Variants in SLC27A3 observed in about 807,000 individuals in gnomAD.
SLC27A3 encodes solute carrier family 27 member 3, also known as long-chain fatty acid transport protein 3.
A neutral mutation model predicts 60.1 loss-of-function variants in SLC27A3; 60 were observed. The ratio of observed to expected loss-of-function variants is 1.00; its 90% CI spans 0.81 to 1.24. The LOEUF (loss-of-function observed/expected upper bound fraction) is 1.24. Among genes scored for constraint, SLC27A3 ranks in the 50% most tolerant of loss-of-function variants. The pLI is 0.00. For synonymous variants in SLC27A3, 455 were observed against 409.0 expected (o/e 1.11, Z -1.36); for missense variants, 1,079 against 929.9 (o/e 1.16, Z -2.09).
Position 153,777,826 on chromosome 1 carries a change from AGG to A in SLC27A3, c.1104_1105del (p.Arg368SerfsTer27). The A allele has an allele frequency of 6.2e-7, 1 of 1,614,244 alleles. No homozygotes were observed. The highest frequency in any genetic ancestry group is 1.7e-5 in the Admixed American group (1 of 60,032). On this transcript the variant is annotated frameshift_variant, in exon 4 of 10. Coordinates refer to ENST00000624995, the MANE Select transcript of SLC27A3 (RefSeq NM_024330.4). LOFTEE classifies it high-confidence loss of function. ...GTTCTGGGAAGATTGCCAGCAGCAC[AGG>A]GTGACGGTGTTCCAGTACATTGGGG... ...GQFWEDCQQH[R>X]VTVFQYIGEL...
rs557461651 is a variant in SLC27A3, at chr1:153,777,282, A to G, written c.1036+62A>G. The G allele has an allele frequency of 3.6e-4, 565 of 1,578,352 alleles. 4 individuals are homozygous for G. Among genetic ancestry groups the G allele is most frequent in the Non-Finnish European group, 2.3e-4 (269 of 1,151,470 alleles). ...AGTAGACATTTATTAAGCACGTACT[A>G]TGGTGTGAGTCCTCCAGGGTAGATA... On this transcript the variant is annotated intron_variant, in intron 3 of 9. Coordinates refer to ENST00000624995, the MANE Select transcript of SLC27A3 (RefSeq NM_024330.4).
At position 153,778,571 on chromosome 1, in the gene SLC27A3, G is replaced by A. The variant is rs193202015; in HGVS notation, c.1447+18G>A. On this transcript the variant is annotated intron_variant, in intron 6 of 9. Coordinates refer to ENST00000624995, the MANE Select transcript of SLC27A3 (RefSeq NM_024330.4). ...ATCTCCAGGTTGGTGGTGTTCTGGTGGGGTGGGCGGGGTGCTGAAGCTGGC... is the reference window on the plus strand; with the variant it reads ...ATCTCCAGGTTGGTGGTGTTCTGGTAGGGTGGGCGGGGTGCTGAAGCTGGC... 917 of 1,612,002 alleles carry A rather than the reference G, an allele frequency of 5.7e-4. 4 individuals are homozygous for A. The African/African-American group carries it at 0.01, about 18-fold the overall frequency.
chr1:153,776,062 A>AAGGCCGGCCT lies in SLC27A3; in HGVS notation c.566_575dup (p.Arg193GlyfsTer66). 10 of 1,468,958 alleles carry AAGGCCGGCCT rather than the reference A, an allele frequency of 6.8e-6. No homozygotes were observed. The highest frequency in any genetic ancestry group is 8.9e-6 in the Non-Finnish European group (10 of 1,120,650). The allele number at this position is 1,468,958 out of a possible 1,614,324, so 91.0% of individuals were successfully genotyped here. A position where few individuals can be genotyped will look rare whatever the true frequency, so the allele number is the denominator to read the frequency against. On this transcript the variant is annotated frameshift_variant, in exon 1 of 10. Coordinates refer to ENST00000624995, the MANE Select transcript of SLC27A3 (RefSeq NM_024330.4). LOFTEE classifies it high-confidence loss of function. ...TCTGTGGCTCTGGTTCGGGCTGGCCAAGGCCGGCCTGCGCACTGCCTTTGT... is the reference window on the plus strand; with the variant it reads ...TCTGTGGCTCTGGTTCGGGCTGGCCAAGGCCGGCCTAGGCCGGCCTGCGCACTGCCTTTGT...
chr1:153,780,038 CTG>C lies in SLC27A3; in HGVS notation c.*39_*40del. The C allele has an allele frequency of 1.3e-6, 2 of 1,578,944 alleles. No homozygotes were observed. The highest frequency in any genetic ancestry group is 1.7e-6 in the Non-Finnish European group (2 of 1,159,494). Reference sequence around the variant, plus strand: ...ACCTGAGGCACCTGAGAGAGGAACTCTGTGGGGTGGGGGCCGTTGCAGGTGTA... The same window carrying C: ...ACCTGAGGCACCTGAGAGAGGAACTCTGGGGTGGGGGCCGTTGCAGGTGTA... On this transcript the variant is annotated 3_prime_UTR_variant, in exon 10 of 10. Coordinates refer to ENST00000624995, the MANE Select transcript of SLC27A3 (RefSeq NM_024330.4).
At position 153,779,982 on chromosome 1, in the gene SLC27A3, G is replaced by T. The variant is rs776270134; in HGVS notation, c.2032G>T (p.Ala678Ser). Reference sequence around the variant, plus strand: ...AACTGCCCGGTACAGCGCCCTCCTGGCAGGAAACCTTCGAATCTGAGAACT... The same window carrying T: ...AACTGCCCGGTACAGCGCCCTCCTGTCAGGAAACCTTCGAATCTGAGAACT... ...LTTARYSALL[A>S]GNLRI The change falls in exon 10 of 10, where the codon GCA (alanine) becomes TCA (serine). Residue 678 changes from alanine to serine, a missense_variant. Ala to Ser is a moderately conservative substitution (Grantham distance 99). Transcript: ENST00000624995. The T allele has an allele frequency of 6.2e-7, 1 of 1,613,260 alleles. No individual in the cohort carries two copies. The highest frequency in any genetic ancestry group is 1.7e-5 in the Admixed American group (1 of 59,840).
chr1:153,775,782 G>C lies in SLC27A3; in HGVS notation c.285G>C (p.Glu95Asp). Reference sequence around the variant, plus strand: ...GCTCGCGGCGCTTTAGCTACTCAGAGGCGGAGCGCGAGAGTAACAGGGCTG... The same window carrying C: ...GCTCGCGGCGCTTTAGCTACTCAGACGCGGAGCGCGAGAGTAACAGGGCTG... ...IHGSRRFSYS[E>D]AERESNRAAR... Residue 95 changes from glutamate to aspartate, a missense_variant, in exon 1 of 10, where the codon GAG (glutamate) becomes GAC (aspartate). By Grantham distance (45) the Glu-to-Asp change is conservative. Transcript: ENST00000624995. 6.6e-7 allele frequency: 1 copy of C among 1,506,506 alleles called. No individual in the cohort carries two copies. The highest frequency in any genetic ancestry group is 1.3e-5 in the South Asian group (1 of 75,052). The allele number at this position is 1,506,506 out of a possible 1,614,324, so 93.3% of individuals were successfully genotyped here. A position where few individuals can be genotyped will look rare whatever the true frequency, so the allele number is the denominator to read the frequency against.
intron 8 of SLC27A3, 38 bp downstream of exon 8, chr1:153,779,249 C>G (rs1673401032): frequency 1.2e-6 from 2 of 1,613,754 alleles, no homozygotes; most frequent in East Asian, 4.5e-5. Flanking sequence ...CACCCAGCCA[C>G]CACCCCGAAT....
Position 153,779,941 on chromosome 1 carries a change from C to A in SLC27A3, c.1991C>A (p.Ala664Asp). ...TACGTTCTGGACCAGGCTGTAGGTGCCTACCTGCCCCTCACAACTGCCCGG... is the reference window on the plus strand; with the variant it reads ...TACGTTCTGGACCAGGCTGTAGGTGACTACCTGCCCCTCACAACTGCCCGG... ...PLYVLDQAVG[A>D]YLPLTTARYS... Residue 664 changes from alanine (A) to aspartate (D), a missense_variant, in exon 10 of 10, where the codon GCC becomes GAC. By Grantham distance (126) the Ala-to-Asp change is moderately radical. Coordinates refer to ENST00000624995, the MANE Select transcript of SLC27A3 (RefSeq NM_024330.4). The A allele has an allele frequency of 1.2e-6, 2 of 1,614,168 alleles. No homozygotes were observed. The highest frequency in any genetic ancestry group is 2.2e-5 in the East Asian group (1 of 44,890).
chr1:153,779,122 G>C lies in SLC27A3; in HGVS notation c.1655G>C (p.Gly552Ala). ...DRTGDTFRWKGENVATTEVAE... is the reference protein window; with the variant it reads ...DRTGDTFRWKAENVATTEVAE... ...TCTCTGCTCTCTGACAGGTGGAAGG[G>C]GGAGAATGTGGCCACAACCGAGGTG... Residue 552 changes from glycine (G) to alanine (A), a missense_variant, in exon 8 of 10, where the codon GGG (glycine) becomes GCG (alanine). Coordinates refer to ENST00000624995, the MANE Select transcript of SLC27A3 (RefSeq NM_024330.4). 1 of 1,614,168 alleles carries C rather than the reference G, an allele frequency of 6.2e-7. No individual in the cohort carries two copies.
In SLC27A3 at chr1:153,775,559, A is replaced by G. The variant is rs752469654; in HGVS notation, c.62A>G (p.His21Arg). The G allele has an allele frequency of 5.6e-6, 9 of 1,611,166 alleles. No homozygotes were observed. The highest frequency in any genetic ancestry group is 7.6e-6 in the Non-Finnish European group (9 of 1,179,770). The stretch of plus-strand genomic sequence containing the variant: ...CTACCGCTGCTGCTGCTGAAGCTAC[A>G]CCTCTGGCCGCAGTTGCGCTGGCTT... ...LLLPLLLLKL[H>R]LWPQLRWLPA... The change falls in exon 1 of 10, where the codon CAC becomes CGC. Residue 21 changes from histidine (H) to arginine (R), a missense_variant. By Grantham distance (29) the His-to-Arg change is conservative. Coordinates refer to ENST00000624995, the MANE Select transcript of SLC27A3 (RefSeq NM_024330.4).
At position 153,778,484 on chromosome 1, in the gene SLC27A3, A is replaced by G. The variant is rs775876675; in HGVS notation, c.1378A>G (p.Ile460Val). The G allele has an allele frequency of 6.2e-7, 1 of 1,614,132 alleles. No homozygotes were observed. Among genetic ancestry groups the G allele is most frequent in the South Asian group, 1.1e-5 (1 of 91,074 alleles). ...CCAGCATATCTTCCCCTTCTCCTTGATTCGCTATGATGTCACCACAGGAGA... is the reference window on the plus strand; with the variant it reads ...CCAGCATATCTTCCCCTTCTCCTTGGTTCGCTATGATGTCACCACAGGAGA... ...LYKHIFPFSL[I>V]RYDVTTGEPI... The change falls in exon 6 of 10, where the codon ATT becomes GTT. Residue 460 changes from isoleucine to valine, a missense_variant. Physicochemically the swap from Ile to Val is conservative, Grantham distance 29 (BLOSUM62 3). Coordinates refer to ENST00000624995, the MANE Select transcript of SLC27A3 (RefSeq NM_024330.4).
chr1:153,777,682 G>A, intron 3 of SLC27A3, 79 bp from the exon 4 acceptor site: 1 of 1,540,472 alleles, frequency 6.5e-7, no homozygotes, highest in African/African-American at 1.4e-5. Flanking sequence ...TGATGGCTGG[G>A]GTCTGGAAAG....
chr1:153,776,767 G>A (rs1233849921), intron 2 of SLC27A3, 40 bp downstream of exon 2: 1 of 1,594,664 alleles, frequency 6.3e-7, no homozygotes, highest in Non-Finnish European at 8.6e-7. Context: ...CGAAACCAAG[G>A]CAGAGGAAGG....
chr1:153,778,521 A>C lies in SLC27A3; in HGVS notation c.1415A>C (p.Asp472Ala), dbSNP rs1371279423. 3.7e-6 allele frequency: 6 copies of C among 1,613,730 alleles called. No individual in the cohort carries two copies. Among genetic ancestry groups the C allele is most frequent in the Middle Eastern group, 3.3e-4 (2 of 6,084 alleles). ...GTCACCACAGGAGAGCCAATTCGGG[A>C]CCCCCAGGGGCACTGTATGGCCACA... Reference protein sequence around the residue: ...YDVTTGEPIRDPQGHCMATSP... With the variant: ...YDVTTGEPIRAPQGHCMATSP... The change falls in exon 6 of 10, where the codon GAC (aspartate) becomes GCC (alanine). Residue 472 changes from aspartate (D) to alanine (A), a missense_variant. Asp to Ala is a moderately radical substitution (Grantham distance 126). Coordinates refer to ENST00000624995, the MANE Select transcript of SLC27A3 (RefSeq NM_024330.4).
intron 1 of SLC27A3, 111 bp downstream of exon 1, chr1:153,776,275 T>G: frequency 7.0e-7 from 1 of 1,419,160 alleles, no homozygotes; most frequent in East Asian, 2.6e-5. Context: ...AAGCCGACTA[T>G]CCCTTGGGGT....
chr1:153,778,157 T>G lies in SLC27A3; in HGVS notation c.1162-4T>G, dbSNP rs755750036. The stretch of plus-strand genomic sequence containing the variant: ...AGCTCCGGCCCCTCTCCCACTCATC[T>G]CAGAGCAAGGCAGAACGTGGCCATA... On this transcript the variant is annotated splice_region_variant and splice_polypyrimidine_tract_variant and intron_variant, in intron 4 of 9. Transcript: ENST00000624995. 1.2e-6 allele frequency: 2 copies of G among 1,603,322 alleles called. No homozygotes were observed. The highest frequency in any genetic ancestry group is 2.2e-5 in the South Asian group (2 of 90,502).
At position 153,775,964 on chromosome 1, in the gene SLC27A3, G is replaced by C; in HGVS notation, c.467G>C (p.Arg156Thr). 2 of 1,439,458 alleles carry C rather than the reference G, an allele frequency of 1.4e-6. No individual in the cohort carries two copies. The highest frequency in any genetic ancestry group is 1.5e-5 in the African/African-American group (1 of 66,912). The allele number at this position is 1,439,458 out of a possible 1,614,324, so 89.2% of individuals were successfully genotyped here. A position where few individuals can be genotyped will look rare whatever the true frequency, so the allele number is the denominator to read the frequency against. ...TTTGCCGGAGGGGACGGTGCCGCCAGAGGTGGAGGAGCCGCCGCCCCTCTG... is the reference window on the plus strand; with the variant it reads ...TTTGCCGGAGGGGACGGTGCCGCCACAGGTGGAGGAGCCGCCGCCCCTCTG... ...AEFAGGDGAA[R>T]GGGAAAPLSP... The change falls in exon 1 of 10, where the codon AGA becomes ACA. Residue 156 changes from arginine (R) to threonine (T), a missense_variant. Arg to Thr is a moderately conservative substitution (Grantham distance 71). Transcript: ENST00000624995.
chr1:153,776,127 CCGCAGCTGCGGCGCGCG>C lies in SLC27A3; in HGVS notation c.634_650del (p.Ser212AlafsTer38), dbSNP rs1420417862. ...GCCGGGGCCCCCTGCTGCACTGCCTCCGCAGCTGCGGCGCGCGCGCGCTGGTGCTGGCGCCAGGTAAG... is the reference window on the plus strand; with the variant it reads ...GCCGGGGCCCCCTGCTGCACTGCCTCCGCGCTGGTGCTGGCGCCAGGTAAG... On this transcript the variant is annotated frameshift_variant, in exon 1 of 10. Coordinates refer to ENST00000624995, the MANE Select transcript of SLC27A3 (RefSeq NM_024330.4). LOFTEE classifies it high-confidence loss of function. 3 of 1,453,062 alleles carry C rather than the reference CCGCAGCTGCGGCGCGCG, an allele frequency of 2.1e-6. No homozygotes were observed. The highest frequency in any genetic ancestry group is 3.0e-5 in the Admixed American group (1 of 33,492). The allele number at this position is 1,453,062 out of a possible 1,614,324, so 90.0% of individuals were successfully genotyped here.
rs1468572471 is a variant in SLC27A3 at position 153,775,919 on chromosome 1, C to T, written c.422C>T (p.Ala141Val). The T allele has an allele frequency of 5.5e-6, 8 of 1,462,154 alleles. No individual in the cohort carries two copies. The highest frequency in any genetic ancestry group is 4.5e-5 in the African/African-American group (3 of 67,210). 90.6% of individuals were successfully genotyped at this position (1,462,154 alleles called of 1,614,324 possible). Residue 141 changes from alanine (A) to valine (V), a missense_variant, in exon 1 of 10, where the codon GCG becomes GTG. Coordinates refer to ENST00000624995, the MANE Select transcript of SLC27A3 (RefSeq NM_024330.4). ...ERAAPGAGDA[A>V]AGSGAEFAGG... is the part of the protein sequence containing the mutation. Reference sequence around the variant, plus strand: ...GCAGCGCCGGGAGCCGGAGATGCAGCGGCCGGAAGCGGCGCGGAGTTTGCC... The same window carrying T: ...GCAGCGCCGGGAGCCGGAGATGCAGTGGCCGGAAGCGGCGCGGAGTTTGCC...
Sources: allele counts gnomAD v4.1 joint callset, GRCh38; gene constraint gnomAD v4.1.1; transcripts MANE v1.5; gene names NCBI Gene and HGNC (gene_info 2026-07-23, HGNC 2026-07-21).